Variants in RNF214 observed in about 807,000 individuals in gnomAD.
RNF214 encodes ring finger protein 214.
Under a neutral mutation model 75.9 loss-of-function variants are expected in RNF214, and 25 were observed. That is an observed-to-expected ratio of 0.33 (90% CI 0.24 to 0.46). The LOEUF (loss-of-function observed/expected upper bound fraction) is 0.46, where lower values mean the gene tolerates loss of function less well. Among genes scored for constraint, RNF214 ranks in the 20% least tolerant of loss-of-function variants. The pLI is 1.00. For synonymous variants in RNF214, 314 were observed against 308.8 expected, an observed-to-expected ratio of 1.02 and a Z score of -0.18; for missense variants, 725 against 857.5, an observed-to-expected ratio of 0.85 and a Z score of 1.93.
chr11:117,235,213 T>C (rs971591638), intron 2 of RNF214, among the ~76,000 whole-genome samples: 1 of 152,200 alleles, frequency 6.6e-6, no homozygotes, highest in African/African-American at 2.4e-5. Context: ...TTTCTTTTTT[T>C]GAGATGGAGT....
intron 6 of RNF214, among the ~76,000 whole-genome samples, chr11:117,269,748 A>T (rs1188664261): frequency 6.6e-6 from 1 of 152,180 alleles, no homozygotes. Context: ...AGATGTCCCT[A>T]ACTTACAATG....
intron 6 of RNF214, among the ~76,000 whole-genome samples, chr11:117,256,904 C>A (rs655023): frequency 6.6e-6 from 1 of 152,042 alleles, no homozygotes; most frequent in Non-Finnish European, 1.5e-5. Context: ...CTTCTAGATA[C>A]GGGAAATAAT....
At chr11:117,272,218 C>T (rs890043579) in intron 6 of RNF214, among the ~76,000 whole-genome samples, 1 of 152,140 alleles carries the variant, frequency 6.6e-6, no homozygotes, top group Non-Finnish European at 1.5e-5. Flanking sequence ...CACAGTGAAA[C>T]CCTGTCTCTA....
intron 6 of RNF214, among the ~76,000 whole-genome samples, chr11:117,252,459 C>A (rs1381597610): frequency 6.6e-6 from 1 of 152,096 alleles, no homozygotes; most frequent in Admixed American, 6.6e-5. Context: ...CTGTCTTATA[C>A]GTTTTAACTT....
intron 13 of RNF214, 131 bp downstream of exon 13, chr11:117,282,981 T>C: frequency 2.0e-6 from 2 of 984,672 alleles, no homozygotes; most frequent in Non-Finnish European, 3.1e-6. Flanking sequence ...AATGCAAATA[T>C]TTTAGGCAAG....
At chr11:117,264,892 C>T (rs919725179) in intron 6 of RNF214, among the ~76,000 whole-genome samples, 9 of 151,608 alleles carry the variant, frequency 5.9e-5, no homozygotes, top group Admixed American at 6.6e-5. Flanking sequence ...GGTGAAACCT[C>T]GTCTCTACTA....
Position 117,240,129 on chromosome 11 carries a change from G to A in RNF214, c.678+269G>A, listed in dbSNP as rs542810306. Among the ~76,000 whole-genome samples the A allele has an allele frequency of 3.4e-4, 51 of 152,076 alleles. No individual in the cohort carries two copies. In the South Asian group the frequency reaches 3.5e-3, roughly 11 times the overall value. ...ACATTTTGGGAAGCCGAAGTGGGTG[G>A]ATCGCTTGAGCCCTGGAGTTTGAGA... On this transcript the variant is annotated intron_variant, in intron 4 of 14. Transcript: ENST00000300650.
chr11:117,245,523 T>A (rs1398026935), intron 5 of RNF214, among the ~76,000 whole-genome samples: 5 of 151,676 alleles, frequency 3.3e-5, no homozygotes, highest in African/African-American at 1.2e-4. Flanking sequence ...GTATTTTTTT[T>A]AATAGAGACG....
Position 117,285,689 on chromosome 11 carries a change from C to A in RNF214, c.*538C>A, listed in dbSNP as rs1320364302. On this transcript the variant is annotated 3_prime_UTR_variant, in exon 15 of 15. Transcript: ENST00000300650. ...ACTCTGATTGAGGAAAAAAAAGTAA[C>A]CCTAGTAGTTTGACTTCTTATTGAA... is the stretch of plus-strand genomic sequence containing the variant. 1.3e-5 allele frequency: 2 copies of A among 152,598 alleles called. No homozygotes were observed. The highest frequency in any genetic ancestry group is 4.8e-5 in the African/African-American group (2 of 41,430). The allele number at this position is 152,598 out of a possible 1,614,324, so 9.5% of individuals were successfully genotyped here. A position where few individuals can be genotyped will look rare whatever the true frequency, so the allele number is the denominator to read the frequency against.
intron 2 of RNF214, among the ~76,000 whole-genome samples, chr11:117,234,580 A>G (rs2032848238): frequency 6.6e-6 from 1 of 152,256 alleles, no homozygotes; most frequent in South Asian, 2.1e-4. Flanking sequence ...TTTGGGGAAT[A>G]AATAGAATAG....
At chr11:117,275,053 ATAT>A (rs1218779503) in intron 6 of RNF214, among the ~76,000 whole-genome samples, 1 of 152,176 alleles carries the variant, frequency 6.6e-6, no homozygotes, top group East Asian at 1.9e-4. Flanking sequence ...AATAGAAATA[ATAT>A]TAAGTGTTTT....
rs768797673 is a variant in RNF214 at position 117,281,869 on chromosome 11, G to A, written c.1336-25G>A. ...CTTTCTTTTTCTTCCTTTCTCTCTC[G>A]TCCTCTACCTCTTCTCCTCTGCAGA... is the stretch of plus-strand genomic sequence containing the variant. On this transcript the variant is annotated intron_variant, in intron 10 of 14. Coordinates refer to ENST00000300650, the MANE Select transcript of RNF214 (RefSeq NM_207343.4). 3.4e-5 allele frequency: 55 copies of A among 1,603,600 alleles called. No individual in the cohort carries two copies. The Admixed American group carries it at 3.6e-4, about 11-fold the overall frequency.
chr11:117,235,584 C>T lies in RNF214; in HGVS notation c.107+1205C>T, dbSNP rs183230709. 2.5e-3 allele frequency among the ~76,000 whole-genome samples: 378 copies of T among 150,442 alleles called. 13 individuals are homozygous for T. In the South Asian group the frequency reaches 0.049, roughly 20 times the overall value. On this transcript the variant is annotated intron_variant, in intron 2 of 14. Coordinates refer to ENST00000300650, the MANE Select transcript of RNF214 (RefSeq NM_207343.4). ...CGTGAACCCAGCTCACTGCAACCTC[C>T]GTCTCCTGGGTTCAAACGTCTCCTG...
chr11:117,251,192 C>T (rs1174978862), intron 6 of RNF214, among the ~76,000 whole-genome samples: 2 of 142,282 alleles, frequency 1.4e-5, no homozygotes, highest in Admixed American at 7.1e-5. Context: ...TAGGGGCGGC[C>T]GGGCAGAGGC....
At chr11:117,279,840 T>C in intron 6 of RNF214, 68 bp from the exon 7 acceptor site, 1 of 1,228,804 alleles carries the variant, frequency 8.1e-7, no homozygotes, top group Non-Finnish European at 1.2e-6. Context: ...GGTTGTACTT[T>C]TGCCCTGGTA....
chr11:117,254,514 A>G (rs920956437), intron 6 of RNF214, among the ~76,000 whole-genome samples: 6 of 151,904 alleles, frequency 3.9e-5, no homozygotes, highest in Non-Finnish European at 7.4e-5. Flanking sequence ...CTGTTACTGG[A>G]TTTACTTGCT....
intron 8 of RNF214, among the ~76,000 whole-genome samples, 166 bp from the exon 9 acceptor site, chr11:117,281,148 A>AT (rs1490909315): frequency 6.6e-6 from 1 of 151,584 alleles, no homozygotes; most frequent in East Asian, 1.9e-4. Context: ...CTAATTTTGC[A>AT]TTTTTTTAAG....
At position 117,280,013 on chromosome 11, in the gene RNF214, A is replaced by G; in HGVS notation, c.1056+9A>G. 1 of 1,599,088 alleles carries G rather than the reference A, an allele frequency of 6.3e-7. No homozygotes were observed. The highest frequency in any genetic ancestry group is 8.5e-7 in the Non-Finnish European group (1 of 1,169,624). On this transcript the variant is annotated intron_variant, in intron 7 of 14. Coordinates refer to ENST00000300650, the MANE Select transcript of RNF214 (RefSeq NM_207343.4). Reference sequence around the variant, plus strand: ...GGGCCTGGAAGGCAGAGGTGAGAAGAGGAGCTGATATCTTGAAAGTCTTAG... The same window carrying G: ...GGGCCTGGAAGGCAGAGGTGAGAAGGGGAGCTGATATCTTGAAAGTCTTAG...
chr11:117,232,992 G>A (rs1352611499), intron 1 of RNF214, among the ~76,000 whole-genome samples: 2 of 151,998 alleles, frequency 1.3e-5, no homozygotes, highest in African/African-American at 2.4e-5. Context: ...CCTGTGGGGG[G>A]TGGCCAAGGC....
Sources: allele counts gnomAD v4.1 joint callset (sites outside exome capture counted in the v4.1 genomes callset), GRCh38; gene constraint gnomAD v4.1.1; transcripts MANE v1.5; gene names NCBI Gene and HGNC (gene_info 2026-07-23, HGNC 2026-07-21).